PAK1: variants seen among roughly 807,000 people sequenced by gnomAD.
The protein encoded by PAK1 is serine/threonine-protein kinase PAK 1.
A neutral mutation model predicts 67.4 loss-of-function variants in PAK1; 29 were observed. That is an observed-to-expected ratio of 0.43 (90% confidence interval 0.32 to 0.59). The LOEUF (loss-of-function observed/expected upper bound fraction) is 0.59. Ranked by LOEUF, PAK1 falls within the 20% of genes least tolerant of loss-of-function variation. The pLI, the probability that PAK1 is intolerant of heterozygous loss-of-function variation, is 0.07. For missense variants in PAK1, 337 were observed against 670.7 expected (o/e 0.50, Z 5.50); for synonymous variants, 223 against 237.4 (o/e 0.94, Z 0.56).
intron 14 of PAK1, chr11:77,325,458 A>C: frequency 7.0e-7 from 1 of 1,419,204 alleles, no homozygotes; most frequent in Non-Finnish European, 9.6e-7. Flanking sequence ...CTAAATATAT[A>C]AAGTGTTTAG....
intron 2 of PAK1, among the ~76,000 whole-genome samples, chr11:77,388,040 G>A (rs967748441): frequency 6.6e-6 from 1 of 152,184 alleles, no homozygotes; most frequent in African/African-American, 2.4e-5. Context: ...TATGTGCCCA[G>A]GGCAAATATA....
At chr11:77,386,290 C>T (rs1360030246) in intron 2 of PAK1, among the ~76,000 whole-genome samples, 1 of 152,206 alleles carries the variant, frequency 6.6e-6, no homozygotes, top group Non-Finnish European at 1.5e-5. Flanking sequence ...GGCAGTAAAA[C>T]GTTCCAAACT....
At chr11:77,450,846 C>T (rs1418663133) in intron 1 of PAK1, among the ~76,000 whole-genome samples, 1 of 152,202 alleles carries the variant, frequency 6.6e-6, no homozygotes, top group Non-Finnish European at 1.5e-5. Context: ...GTTTCCTCCT[C>T]CTCTTTTTCA....
At chr11:77,488,778 G>A in the PAK1 span, among the ~76,000 whole-genome samples, 1 of 151,910 alleles carries the variant, frequency 6.6e-6, no homozygotes. Flanking sequence ...TTTTAAAAAA[G>A]GAAGTATGAT....
intron 9 of PAK1, among the ~76,000 whole-genome samples, chr11:77,348,890 G>A (rs1185072627): frequency 2.0e-5 from 3 of 152,074 alleles, no homozygotes; most frequent in African/African-American, 4.8e-5. Context: ...TTGGGAGGCC[G>A]AGGCAGGAAG....
At chr11:77,482,622 C>G in the PAK1 span, among the ~76,000 whole-genome samples, 15,226 of 142,104 alleles carry the variant, frequency 0.11, 1,544 homozygotes, top group African/African-American at 0.26. Context: ...GAGACAGGGT[C>G]TTACTCTGTC....
At chr11:77,502,962 G>C in the PAK1 span, among the ~76,000 whole-genome samples, 12 of 151,930 alleles carry the variant, frequency 7.9e-5, no homozygotes, top group Non-Finnish European at 1.3e-4. Flanking sequence ...ATTTATAATG[G>C]AAAAAAATTA....
chr11:77,463,629 G>C (rs1957462381), intron 1 of PAK1, among the ~76,000 whole-genome samples: 1 of 152,192 alleles, frequency 6.6e-6, no homozygotes, highest in African/African-American at 2.4e-5. Flanking sequence ...TGCTAAAAGT[G>C]CTTGTTCATC....
At chr11:77,348,579 C>T (rs1944774673) in intron 9 of PAK1, among the ~76,000 whole-genome samples, 2 of 152,110 alleles carry the variant, frequency 1.3e-5, no homozygotes. Context: ...TCCCCCAAGC[C>T]CCAAAGTTAT....
chr11:77,373,840 A>T (rs1303145409), intron 5 of PAK1, among the ~76,000 whole-genome samples: 1 of 152,204 alleles, frequency 6.6e-6, no homozygotes, highest in Non-Finnish European at 1.5e-5. Context: ...TTCAACAATT[A>T]GTACTAATCT....
intron 14 of PAK1, among the ~76,000 whole-genome samples, chr11:77,330,190 G>A (rs1443605849): frequency 1.3e-4 from 20 of 152,268 alleles, no homozygotes; most frequent in South Asian, 8.3e-4. Context: ...AATCAATATC[G>A]TGAAAATGGC....
chr11:77,451,375 C>A (rs1000102157), intron 1 of PAK1, among the ~76,000 whole-genome samples: 11 of 152,150 alleles, frequency 7.2e-5, no homozygotes, highest in Non-Finnish European at 1.0e-4. Context: ...AACAAACCAG[C>A]CTTGCTAAGT....
At chr11:77,500,025 C>G in the PAK1 span, among the ~76,000 whole-genome samples, 65 of 152,240 alleles carry the variant, frequency 4.3e-4, no homozygotes, top group African/African-American at 1.5e-3. Context: ...ATAAGCAAGC[C>G]CTGACCATAA....
chr11:77,505,610 T>C, the PAK1 span, among the ~76,000 whole-genome samples: 2 of 152,246 alleles, frequency 1.3e-5, no homozygotes, highest in African/African-American at 2.4e-5. Flanking sequence ...TTCTACTTTT[T>C]GCCTCTATGA....
chr11:77,381,176 TAGAG>T (rs34662190), intron 2 of PAK1, among the ~76,000 whole-genome samples: 21 of 135,348 alleles, frequency 1.6e-4, no homozygotes, highest in South Asian at 2.2e-4. Context: ...TGTGTGTGTG[TAGAG>T]AGAGAGAGAG....
At chr11:77,436,797 C>G (rs553750769) in intron 1 of PAK1, among the ~76,000 whole-genome samples, 62 of 152,330 alleles carry the variant, frequency 4.1e-4, no homozygotes, top group African/African-American at 1.4e-3. Context: ...TCAGCTCTCC[C>G]TCCATCTCAA....
rs565333409 is a variant in PAK1, at chr11:77,372,659, T to C, written c.477+1669A>G. 2.0e-5 allele frequency among the ~76,000 whole-genome samples: 3 copies of C among 152,222 alleles called. No homozygotes were observed. In the South Asian group the frequency reaches 6.2e-4, roughly 31 times the overall value. ...CTTTAAGATAAGTCAAACTCCTACA[T>C]GATCTGTCCTGCTTACCAATCCTCC... is the stretch of plus-strand genomic sequence containing the variant. On this transcript the variant is annotated intron_variant, in intron 5 of 14. Coordinates refer to ENST00000356341, the MANE Select transcript of PAK1 (RefSeq NM_002576.5).
chr11:77,340,785 G>T, intron 10 of PAK1, 22 bp from the exon 11 acceptor site: 1 of 1,252,802 alleles, frequency 8.0e-7, no homozygotes, highest in Non-Finnish European at 1.2e-6. Flanking sequence ...CAGATAAAGG[G>T]TGAGAGAGAA....
intron 7 of PAK1, among the ~76,000 whole-genome samples, chr11:77,354,039 G>A (rs1210431653): frequency 6.6e-6 from 1 of 152,030 alleles, no homozygotes; most frequent in Non-Finnish European, 1.5e-5. Flanking sequence ...GGTACAGAAA[G>A]AGGCACACAC....
Sources: gnomAD v4.1 joint callset for allele counts (sites outside exome capture counted in the v4.1 genomes callset) on GRCh38, gnomAD v4.1.1 for gene constraint, MANE v1.5 for transcripts, NCBI Gene and HGNC (gene_info 2026-07-23, HGNC 2026-07-21) for gene names.